The following ODF2L variants were observed in gnomAD, a reference collection of about 807,000 sequenced individuals.
ODF2L encodes protein BCAP.
In ODF2L, 76 loss-of-function variants were observed where a neutral mutation model predicts 86.3. The observed-to-expected ratio is 0.88, with a 90% CI of 0.73 to 1.07. The LOEUF is 1.07. ODF2L is among the 50% of genes least tolerant of loss of function. The pLI is 0.00. For synonymous variants in ODF2L, 241 were observed against 231.3 expected, an observed-to-expected ratio of 1.04 and a Z score of -0.38; for missense variants, 748 against 717.4, an observed-to-expected ratio of 1.04 and a Z score of -0.49.
intron 4 of ODF2L, among the ~76,000 whole-genome samples, 173 bp from the exon 5 acceptor site, chr1:86,383,369 G>A (rs1660716650): frequency 6.6e-6 from 1 of 151,724 alleles, no homozygotes; most frequent in Non-Finnish European, 1.5e-5. Flanking sequence ...TTTTTGGTCT[G>A]CAATTTATGA....
At chr1:86,388,832 G>A (rs531089293) in intron 1 of ODF2L, among the ~76,000 whole-genome samples, 61 of 152,002 alleles carry the variant, frequency 4.0e-4, no homozygotes, top group Non-Finnish European at 7.2e-4. Flanking sequence ...ATCTTAAAGG[G>A]TAAACAAATA....
downstream of ODF2L, chr1:86,348,768 A>AT: frequency 6.6e-7 from 1 of 1,517,756 alleles, no homozygotes; most frequent in Non-Finnish European, 8.8e-7. Context: ...ACATTGTTAC[A>AT]TAAGAAGTTT....
At chr1:86,353,612 A>C (rs1199710139) in intron 16 of ODF2L, among the ~76,000 whole-genome samples, 1 of 152,204 alleles carries the variant, frequency 6.6e-6, no homozygotes, top group Non-Finnish European at 1.5e-5. Flanking sequence ...CACAAGAATG[A>C]GAGTAGAGGC....
chr1:86,382,741 A>AC (rs1279010344), intron 6 of ODF2L, among the ~76,000 whole-genome samples, 190 bp downstream of exon 6: 5 of 151,898 alleles, frequency 3.3e-5, no homozygotes, highest in Non-Finnish European at 5.9e-5. Flanking sequence ...AACACCATAA[A>AC]AACCCTAAAA....
chr1:86,384,443 CAATT>C (rs1156395866), intron 4 of ODF2L, among the ~76,000 whole-genome samples: 56 of 150,802 alleles, frequency 3.7e-4, no homozygotes, highest in African/African-American at 1.0e-3. Flanking sequence ...AGAATCAGCT[CAATT>C]AAGTATGACA....
chr1:86,377,138 C>CA (rs1244937153), intron 7 of ODF2L, among the ~76,000 whole-genome samples: 4 of 151,356 alleles, frequency 2.6e-5, no homozygotes, highest in South Asian at 2.1e-4. Flanking sequence ...ATAAATTGGC[C>CA]AAAAAAAAGG....
chr1:86,382,437 C>T (rs1325765076), intron 6 of ODF2L, 79 bp from the exon 7 acceptor site: 3 of 1,569,458 alleles, frequency 1.9e-6, no homozygotes, highest in Non-Finnish European at 2.6e-6. Flanking sequence ...TAATTTTACC[C>T]TGATTTAGGC....
chr1:86,361,305 G>T (rs1659018009), intron 11 of ODF2L, among the ~76,000 whole-genome samples: 1 of 152,134 alleles, frequency 6.6e-6, no homozygotes, highest in Non-Finnish European at 1.5e-5. Context: ...CAACCCAGAG[G>T]CCAGATGGCA....
chr1:86,375,454 A>T (rs189096961), intron 8 of ODF2L, among the ~76,000 whole-genome samples: 1 of 152,284 alleles, frequency 6.6e-6, no homozygotes, highest in East Asian at 1.9e-4. Flanking sequence ...CTTTTTATAC[A>T]AGTCTGTTTT....
chr1:86,352,580 A>T (rs1658217679), intron 17 of ODF2L, among the ~76,000 whole-genome samples: 4 of 152,188 alleles, frequency 2.6e-5, no homozygotes, highest in Non-Finnish European at 1.5e-5. Context: ...CAAGTAGATT[A>T]TATCTGTAAT....
chr1:86,353,006 TA>T (rs1262283998), intron 16 of ODF2L, 22 bp from the exon 16 acceptor site: 4 of 1,422,978 alleles, frequency 2.8e-6, no homozygotes, highest in Non-Finnish European at 3.9e-6. Flanking sequence ...ATCAAAAGAG[TA>T]AAATAAAGTG....
At chr1:86,348,310 A>G (rs1361626223), downstream of ODF2L, 2 of 151,958 alleles carry the variant, frequency 1.3e-5, no homozygotes, top group Middle Eastern at 3.5e-3. Flanking sequence ...GAAAGTATGT[A>G]ATTACACCAT....
intron 11 of ODF2L, among the ~76,000 whole-genome samples, chr1:86,364,329 A>G (rs1344173788): frequency 6.6e-6 from 1 of 152,188 alleles, no homozygotes; most frequent in Non-Finnish European, 1.5e-5. Flanking sequence ...CTGTATGTAC[A>G]CAAAGATAGG....
downstream of ODF2L, chr1:86,349,636 A>G (rs272493): frequency 0.69 from 105,305 of 152,142 alleles, 36,824 homozygotes; most frequent in East Asian, 0.83. Flanking sequence ...GATGAATACA[A>G]TGAGTTTTAC....
intron 1 of ODF2L, among the ~76,000 whole-genome samples, chr1:86,389,806 C>T (rs1661190435): frequency 6.6e-6 from 1 of 152,114 alleles, no homozygotes; most frequent in East Asian, 1.9e-4. Flanking sequence ...GGATAAATTC[C>T]TGGATACAAC....
chr1:86,350,948 T>C (rs909046577), exon 18 of ODF2L: 3 of 152,204 alleles, frequency 2.0e-5, no homozygotes, highest in African/African-American at 7.2e-5. Context: ...ATGGGGTTTT[T>C]TTTCTTGTAA....
At chr1:86,352,234 C>G (rs571291933) in intron 17 of ODF2L, 1 of 1,479,356 alleles carries the variant, frequency 6.8e-7, no homozygotes, top group Non-Finnish European at 9.0e-7. Flanking sequence ...TATCATTATT[C>G]TCTATGTCAT....
At chr1:86,366,429 C>CACATACACAT (rs756627986) in intron 11 of ODF2L, among the ~76,000 whole-genome samples, 2 of 139,832 alleles carry the variant, frequency 1.4e-5, no homozygotes, top group Admixed American at 1.4e-4. Context: ...CACACACACA[C>CACATACACAT]ACACATACAC....
chr1:86,384,640 C>T (rs768808173), intron 4 of ODF2L, 36 bp downstream of exon 4: 2 of 1,257,858 alleles, frequency 1.6e-6, no homozygotes, highest in Admixed American at 3.0e-5. Flanking sequence ...TGAGAAATAT[C>T]ACTATTAAAA....
Sources: gnomAD v4.1 joint callset for allele counts (sites outside exome capture counted in the v4.1 genomes callset) on GRCh38, gnomAD v4.1.1 for gene constraint, MANE v1.5 for transcripts, NCBI Gene and HGNC (gene_info 2026-07-23, HGNC 2026-07-21) for gene names.